The following PPM1K variants were observed in gnomAD, a reference collection of about 807,000 sequenced individuals.
PPM1K encodes the protein protein phosphatase Mn(2+)-dependent 1K.
Under a neutral mutation model 32.6 loss-of-function variants are expected in PPM1K, and 19 were observed. That is an observed-to-expected ratio of 0.58 (90% confidence interval 0.41 to 0.86). The LOEUF is 0.86. Among genes scored for constraint, PPM1K ranks in the 40% least tolerant of loss-of-function variants. The pLI, the probability that PPM1K is intolerant of heterozygous loss-of-function variation, is 0.00. For synonymous variants in PPM1K, 159 were observed against 165.3 expected (o/e 0.96, Z 0.29); for missense variants, 362 against 461.2 (o/e 0.78, Z 1.97).
At chr4:88,277,749 C>A in intron 2 of PPM1K, 1 of 215,328 alleles carries the variant, frequency 4.6e-6, no homozygotes, top group East Asian at 1.1e-4. Flanking sequence ...TCATCCAAAG[C>A]TATTTTCAAC....
In PPM1K at chr4:88,278,599, G is replaced by C. The variant is rs1357857112; in HGVS notation, c.-16C>G. ...CTGTTGACATAACTCAGCTCCAAAG[G>C]ACTCAGTGATGAGGGAAAGGTCAAT... On this transcript the variant is annotated 5_prime_UTR_variant, in exon 2 of 7. Coordinates refer to ENST00000608933, the MANE Select transcript of PPM1K (RefSeq NM_152542.5). This position sits in a 1 kb window ranked among gnomAD's most constrained non-coding sequence, Gnocchi z 4.2. The C allele has an allele frequency of 2.5e-6, 4 of 1,579,778 alleles. No individual in the cohort carries two copies. Among genetic ancestry groups the C allele is most frequent in the Non-Finnish European group, 1.7e-6 (2 of 1,163,170 alleles).
In PPM1K at chr4:88,258,205, C is replaced by G. The variant is rs1730977771; in HGVS notation, c.*4390G>C. 6.6e-6 allele frequency: 1 copy of G among 152,060 alleles called. No homozygotes were observed. The highest frequency in any genetic ancestry group is 2.1e-4 in the South Asian group (1 of 4,830). 9.4% of individuals were successfully genotyped at this position (152,060 alleles called of 1,614,324 possible). On this transcript the variant is annotated 3_prime_UTR_variant, in exon 7 of 7. Coordinates refer to ENST00000608933, the MANE Select transcript of PPM1K (RefSeq NM_152542.5). ...TGCTAAAGAAAAATAGAAGCATTTTCTTATTATCATATTACCATGAAATTA... is the reference window on the plus strand; with the variant it reads ...TGCTAAAGAAAAATAGAAGCATTTTGTTATTATCATATTACCATGAAATTA...
intron 4 of PPM1K, 144 bp downstream of exon 4, chr4:88,268,597 G>A: frequency 1.1e-6 from 1 of 926,482 alleles, no homozygotes; most frequent in Admixed American, 2.3e-5. Context: ...CTCCAGCCTG[G>A]GCGACAGAGT....
At chr4:88,269,724 G>C (rs1731480045) in intron 3 of PPM1K, among the ~76,000 whole-genome samples, 2 of 152,170 alleles carry the variant, frequency 1.3e-5, no homozygotes, top group South Asian at 4.1e-4. Context: ...ACTGCCAGCT[G>C]CAACTCCTGG....
intron 5 of PPM1K, among the ~76,000 whole-genome samples, chr4:88,265,540 T>C (rs1393410886): frequency 6.6e-6 from 1 of 152,200 alleles, no homozygotes; most frequent in African/African-American, 2.4e-5. Context: ...TGTGAGCCCA[T>C]TAAACCTCTT....
chr4:88,258,415 G>A lies in PPM1K; in HGVS notation c.*4180C>T, dbSNP rs1046181618. The A allele has an allele frequency of 6.6e-6, 1 of 151,874 alleles. No homozygotes were observed. Among genetic ancestry groups the A allele is most frequent in the African/African-American group, 2.4e-5 (1 of 41,350 alleles). 9.4% of individuals were successfully genotyped at this position (151,874 alleles called of 1,614,324 possible). On this transcript the variant is annotated 3_prime_UTR_variant, in exon 7 of 7. Transcript: ENST00000608933. ...GAGGCCGAGGCAGGTGGATCACGAG[G>A]TCAAGAGATCGAGACCATCCTGGCC...
At chr4:88,282,254 G>A (rs1045453822) in intron 1 of PPM1K, among the ~76,000 whole-genome samples, 2 of 152,178 alleles carry the variant, frequency 1.3e-5, no homozygotes, top group Admixed American at 1.3e-4. Context: ...TGGCAGGAAG[G>A]TGCACTGGAT....
In PPM1K at chr4:88,268,279, T is replaced by C. The variant is rs1731414282; in HGVS notation, c.763A>G (p.Asn255Asp). ...CTTCTTGTCATTGCAAGCCTGCCAT[T>C]TACGTGAGGCTGCCCCAAACTATTC... ...AWNSLGQPHV[N>D]GRLAMTRSIG... is the part of the protein sequence containing the mutation. Residue 255 changes from asparagine to aspartate, a missense_variant, in exon 5 of 7, where the codon AAT becomes GAT. Coordinates refer to ENST00000608933, the MANE Select transcript of PPM1K (RefSeq NM_152542.5). The C allele has an allele frequency of 1.2e-6, 2 of 1,614,124 alleles. No homozygotes were observed. The highest frequency in any genetic ancestry group is 1.7e-6 in the Non-Finnish European group (2 of 1,179,998).
intron 3 of PPM1K, 115 bp downstream of exon 3, chr4:88,277,028 A>T: frequency 1.2e-6 from 1 of 835,180 alleles, no homozygotes; most frequent in East Asian, 2.6e-5. Context: ...ATAAATCCTT[A>T]CAAACAATTG....
In PPM1K at chr4:88,263,910, G is replaced by A. The variant is rs189725808; in HGVS notation, c.987+1091C>T. Among the ~76,000 whole-genome samples, 243 of 152,256 alleles carry A rather than the reference G, an allele frequency of 1.6e-3. 3 individuals carry two copies. The South Asian group carries it at 0.023, about 15-fold the overall frequency. On this transcript the variant is annotated intron_variant, in intron 6 of 6. Transcript: ENST00000608933. Reference sequence around the variant, plus strand: ...AATAGACATCAGAATGTTTATTACTGGGCTTCCTCTATAGAATGGAAAAAA... The same window carrying A: ...AATAGACATCAGAATGTTTATTACTAGGCTTCCTCTATAGAATGGAAAAAA...
At chr4:88,284,195 A>C (rs1732143854) in intron 1 of PPM1K, 1 of 152,090 alleles carries the variant, frequency 6.6e-6, no homozygotes, top group South Asian at 2.1e-4. Context: ...CGAGCTGCTC[A>C]CGACCTCCAA....
At chr4:88,284,263 G>C (rs1056177619) in intron 1 of PPM1K, 143 bp downstream of exon 1, 22 of 152,354 alleles carry the variant, frequency 1.4e-4, no homozygotes, top group African/African-American at 5.3e-4. Context: ...CGCCGACTCG[G>C]GGGGCGGGGG....
At chr4:88,268,660 C>A in intron 4 of PPM1K, 81 bp downstream of exon 4, 2 of 1,373,088 alleles carry the variant, frequency 1.5e-6, no homozygotes, top group Non-Finnish European at 2.0e-6. Flanking sequence ...TTAAACTTAA[C>A]CATGACATCA....
At chr4:88,276,384 A>T in intron 3 of PPM1K, 2 of 985,412 alleles carry the variant, frequency 2.0e-6, no homozygotes, top group Non-Finnish European at 2.4e-6. Flanking sequence ...CTGGTACAGA[A>T]ATTTTCAGGG....
intron 3 of PPM1K, among the ~76,000 whole-genome samples, chr4:88,272,393 C>T (rs1284154022): frequency 6.6e-6 from 1 of 152,162 alleles, no homozygotes; most frequent in Admixed American, 6.5e-5. Context: ...ATCAATGTCC[C>T]CCACTCTGAA....
chr4:88,281,054 A>G (rs929945984), intron 1 of PPM1K, among the ~76,000 whole-genome samples: 1 of 152,216 alleles, frequency 6.6e-6, no homozygotes, highest in Non-Finnish European at 1.5e-5. Context: ...AATACAATCT[A>G]CCAGGTAATG....
rs773824820 is a variant in PPM1K, at chr4:88,278,458, A to C, written c.126T>G (p.Thr42=). The change falls in exon 2 of 7, where the codon ACT becomes ACG. Residue 42 remains threonine (T), a synonymous_variant. Transcript: ENST00000608933. This position sits in a 1 kb window ranked among gnomAD's most constrained non-coding sequence, Gnocchi z 4.2. ...CAAACCGAGAACACCTAGGCTCTGA[A>C]GTGGAGCTGTGGCACGTGGGTGTCA... is the stretch of plus-strand genomic sequence containing the variant. ...RRVTPTCHSS[T]SEPRCSRFDP... is the part of the protein sequence containing the mutation. The C allele has an allele frequency of 2.1e-5, 34 of 1,613,952 alleles. No individual in the cohort carries two copies. The highest frequency in any genetic ancestry group is 1.3e-5 in the African/African-American group (1 of 74,896).
At chr4:88,268,446 C>A (rs1560486633) in intron 4 of PPM1K, 112 bp from the exon 5 acceptor site, 1 of 1,270,162 alleles carries the variant, frequency 7.9e-7, no homozygotes, top group Non-Finnish European at 1.1e-6. Flanking sequence ...CACGGTGAAA[C>A]CCCGTCTCTA....
At chr4:88,282,096 A>G (rs140856402) in intron 1 of PPM1K, among the ~76,000 whole-genome samples, 1 of 152,314 alleles carries the variant, frequency 6.6e-6, no homozygotes, top group East Asian at 1.9e-4. Context: ...TCCACAAACT[A>G]AGAGAGAGAA....
Sources: allele counts gnomAD v4.1 joint callset (sites outside exome capture counted in the v4.1 genomes callset), GRCh38; gene constraint gnomAD v4.1.1; non-coding constraint Gnocchi (gnomAD v3.1); transcripts MANE v1.5; gene names NCBI Gene and HGNC (gene_info 2026-07-23, HGNC 2026-07-21).